TBC1D5: variants seen among roughly 807,000 people sequenced by gnomAD.
TBC1D5 encodes TBC1 domain family member 5.
TBC1D5 carries 75 observed loss-of-function variants against 100.3 expected under a neutral mutation model. The observed-to-expected ratio is 0.75, with a 90% CI of 0.62 to 0.91. The LOEUF (loss-of-function observed/expected upper bound fraction) is 0.91, where lower values mean the gene tolerates loss of function less well. Ranked by LOEUF, TBC1D5 falls within the 40% of genes least tolerant of loss-of-function variation. The pLI, the probability that TBC1D5 is intolerant of heterozygous loss-of-function variation, is 0.00. For synonymous variants in TBC1D5, 323 were observed against 325.6 expected (o/e 0.99, Z 0.09); for missense variants, 910 against 942.4 (o/e 0.97, Z 0.45).
chr3:17,171,621 C>T (rs1443914532), intron 19 of TBC1D5, among the ~76,000 whole-genome samples: 1 of 152,038 alleles, frequency 6.6e-6, no homozygotes, highest in Non-Finnish European at 1.5e-5. Flanking sequence ...TGTCTGTTAT[C>T]GAAATTCCCC....
chr3:17,248,328 T>A (rs1022493729), intron 16 of TBC1D5, among the ~76,000 whole-genome samples: 1 of 152,216 alleles, frequency 6.6e-6, no homozygotes, highest in African/African-American at 2.4e-5. Context: ...TGATGAGTGT[T>A]GAAATCAACT....
rs186289164 is a variant in TBC1D5 at position 17,281,006 on chromosome 3, G to A, written c.1245+10889C>T. Among the ~76,000 whole-genome samples, 143 of 152,322 alleles carry A rather than the reference G, an allele frequency of 9.4e-4. 1 individual carries two copies. Among genetic ancestry groups the A allele is most frequent in the Admixed American group, 8.4e-3 (129 of 15,308 alleles). On this transcript the variant is annotated intron_variant, in intron 15 of 21. Transcript: ENST00000253692. ...CCGGCTCCTGCAAGTGCTCCCTCCCGCAAGGGGTTGAGTGCAACAGGTTCA... is the reference window on the plus strand; with the variant it reads ...CCGGCTCCTGCAAGTGCTCCCTCCCACAAGGGGTTGAGTGCAACAGGTTCA...
intron 1 of TBC1D5, among the ~76,000 whole-genome samples, chr3:17,721,598 G>C (rs1174607412): frequency 6.6e-6 from 1 of 152,088 alleles, no homozygotes; most frequent in African/African-American, 2.4e-5. Context: ...TATGAGCCTG[G>C]CTGGTGGAAG....
At chr3:17,620,775 T>C (rs915637049) in intron 2 of TBC1D5, among the ~76,000 whole-genome samples, 6 of 152,022 alleles carry the variant, frequency 3.9e-5, no homozygotes, top group Non-Finnish European at 2.9e-5. Context: ...TTCAAAAAAT[T>C]AAATCAATAA....
chr3:17,287,965 A>G (rs1486068918), intron 15 of TBC1D5, among the ~76,000 whole-genome samples: 1 of 152,206 alleles, frequency 6.6e-6, no homozygotes, highest in African/African-American at 2.4e-5. Context: ...TCATGTCTCA[A>G]ATCTCATCTT....
chr3:17,214,124 T>C (rs1287223834), intron 18 of TBC1D5, 83 bp downstream of exon 19: 1 of 1,387,136 alleles, frequency 7.2e-7, no homozygotes, highest in Non-Finnish European at 9.7e-7. Flanking sequence ...TTTATAAAAC[T>C]GGGCACTAAC....
At chr3:17,227,037 C>G (rs986727816) in intron 17 of TBC1D5, among the ~76,000 whole-genome samples, 2 of 152,070 alleles carry the variant, frequency 1.3e-5, no homozygotes, top group Non-Finnish European at 2.9e-5. Flanking sequence ...ATAACAGAAG[C>G]TCTTAAGAAA....
chr3:17,535,741 A>T (rs2096275616), intron 2 of TBC1D5, among the ~76,000 whole-genome samples: 1 of 152,138 alleles, frequency 6.6e-6, no homozygotes, highest in Non-Finnish European at 1.5e-5. Context: ...GAATGTTTTT[A>T]AAAACACACA....
intron 1 of TBC1D5, among the ~76,000 whole-genome samples, chr3:17,686,251 A>G (rs922305329): frequency 6.6e-6 from 1 of 152,144 alleles, no homozygotes; most frequent in Non-Finnish European, 1.5e-5. Context: ...ATAAAGGGTC[A>G]AAACACAACT....
intron 2 of TBC1D5, among the ~76,000 whole-genome samples, chr3:17,612,480 A>C (rs1440996816): frequency 6.6e-6 from 1 of 151,836 alleles, no homozygotes; most frequent in African/African-American, 2.4e-5. Flanking sequence ...AAATACGAAA[A>C]TTAGTCGGGC....
intron 1 of TBC1D5, among the ~76,000 whole-genome samples, chr3:17,626,526 A>G (rs952365268): frequency 1.3e-5 from 2 of 152,332 alleles, no homozygotes; most frequent in Admixed American, 1.3e-4. Context: ...GTGAAAAACA[A>G]AAGCAAGTAA....
chr3:17,694,988 G>A (rs1338921704), intron 1 of TBC1D5, among the ~76,000 whole-genome samples: 3 of 151,960 alleles, frequency 2.0e-5, no homozygotes, highest in East Asian at 3.8e-4. Flanking sequence ...TTCATATCCA[G>A]CCAAACTAAG....
chr3:17,505,353 T>A (rs896155642), intron 3 of TBC1D5, among the ~76,000 whole-genome samples: 5 of 151,954 alleles, frequency 3.3e-5, no homozygotes, highest in African/African-American at 1.2e-4. Flanking sequence ...ATATACCTCC[T>A]CCCCCTTTGC....
At chr3:17,398,028 A>T (rs917850027) in intron 8 of TBC1D5, among the ~76,000 whole-genome samples, 3 of 152,172 alleles carry the variant, frequency 2.0e-5, no homozygotes, top group African/African-American at 4.8e-5. Context: ...TAGACCAAAT[A>T]ACATACTTCT....
At chr3:17,636,558 G>A (rs750818094) in intron 1 of TBC1D5, among the ~76,000 whole-genome samples, 46 of 152,064 alleles carry the variant, frequency 3.0e-4, no homozygotes, top group Admixed American at 4.6e-4. Flanking sequence ...TTGGGAGGCC[G>A]AGGCAGGCGG....
intron 13 of TBC1D5, among the ~76,000 whole-genome samples, chr3:17,369,521 C>A (rs1366157908): frequency 6.6e-6 from 1 of 152,004 alleles, no homozygotes; most frequent in East Asian, 1.9e-4. Context: ...CTTCTATCTA[C>A]CGTTATTATT....
At chr3:17,724,185 T>C (rs913858608) in intron 1 of TBC1D5, among the ~76,000 whole-genome samples, 2 of 151,246 alleles carry the variant, frequency 1.3e-5, no homozygotes, top group Non-Finnish European at 2.9e-5. Flanking sequence ...AGCAATCCTC[T>C]AGCCTCAGTC....
chr3:17,687,450 G>A (rs1286844753), intron 1 of TBC1D5, among the ~76,000 whole-genome samples: 1 of 152,048 alleles, frequency 6.6e-6, no homozygotes, highest in Non-Finnish European at 1.5e-5. Flanking sequence ...CTAGGATTAG[G>A]TCACATCCCT....
At chr3:17,233,695 A>G (rs976218835) in intron 17 of TBC1D5, 3 of 1,536,494 alleles carry the variant, frequency 2.0e-6, no homozygotes, top group Non-Finnish European at 2.6e-6. Context: ...CTTGGAGGTC[A>G]GTTAGAGTCT....
Sources: allele counts gnomAD v4.1 joint callset (sites outside exome capture counted in the v4.1 genomes callset), GRCh38; gene constraint gnomAD v4.1.1; transcripts MANE v1.5; gene names NCBI Gene and HGNC (gene_info 2026-07-23, HGNC 2026-07-21).